The following CERS6 variants were observed in gnomAD, a reference collection of about 807,000 sequenced individuals.
The protein encoded by CERS6 is ceramide synthase 6, also known as LAG1 homolog, ceramide synthase 6.
A neutral mutation model predicts 56.8 loss-of-function variants in CERS6; 26 were observed. The observed-to-expected ratio is 0.46, with a 90% CI of 0.34 to 0.63. CERS6 has a LOEUF of 0.63. Among genes scored for constraint, CERS6 ranks in the 30% least tolerant of loss-of-function variants. The pLI is 0.01. For missense variants in CERS6, 415 were observed against 467.5 expected (o/e 0.89, Z 1.04); for synonymous variants, 164 against 173.3 (o/e 0.95, Z 0.42).
At chr2:168,749,905 T>A (rs1017535925) in intron 8 of CERS6, among the ~76,000 whole-genome samples, 5 of 152,196 alleles carry the variant, frequency 3.3e-5, no homozygotes, top group African/African-American at 7.2e-5. Context: ...AGGCAGAGAG[T>A]AGCAGCTCAG....
chr2:168,637,206 G>T (rs75412032), intron 4 of CERS6, among the ~76,000 whole-genome samples: 8 of 152,162 alleles, frequency 5.3e-5, no homozygotes, highest in African/African-American at 1.9e-4. Context: ...TGCCAGGCAC[G>T]GTGGCTCACG....
intron 3 of CERS6, among the ~76,000 whole-genome samples, chr2:168,607,275 A>G (rs1434144737): frequency 6.6e-6 from 1 of 152,180 alleles, no homozygotes; most frequent in Non-Finnish European, 1.5e-5. Flanking sequence ...ATAGGGAATA[A>G]TGTTGCAACA....
intron 3 of CERS6, among the ~76,000 whole-genome samples, chr2:168,591,593 T>C (rs1683672443): frequency 6.6e-6 from 1 of 152,168 alleles, no homozygotes; most frequent in South Asian, 2.1e-4. Flanking sequence ...ATGAAGAAAA[T>C]GTGTTGTTTT....
At chr2:168,463,241 C>A (rs1380918759) in intron 1 of CERS6, among the ~76,000 whole-genome samples, 1 of 152,120 alleles carries the variant, frequency 6.6e-6, no homozygotes, top group Non-Finnish European at 1.5e-5. Context: ...AAGTAAATAT[C>A]ATTCAATCAT....
intron 4 of CERS6, among the ~76,000 whole-genome samples, chr2:168,664,102 C>G (rs1316150241): frequency 1.3e-5 from 2 of 152,214 alleles, no homozygotes; most frequent in African/African-American, 4.8e-5. Context: ...TGTTACCTCT[C>G]AGAGCCCGTT....
At chr2:168,734,852 G>A (rs1324828639) in intron 8 of CERS6, among the ~76,000 whole-genome samples, 1 of 152,186 alleles carries the variant, frequency 6.6e-6, no homozygotes, top group Non-Finnish European at 1.5e-5. Context: ...GCTACTAAAT[G>A]AATGTGGGAG....
intron 8 of CERS6, among the ~76,000 whole-genome samples, chr2:168,742,311 A>C (rs1021885999): frequency 6.6e-6 from 1 of 152,252 alleles, no homozygotes; most frequent in Non-Finnish European, 1.5e-5. Context: ...AACAGGCCAA[A>C]TACAATTATC....
chr2:168,652,025 GC>G (rs142958718), intron 4 of CERS6, among the ~76,000 whole-genome samples: 9,412 of 150,020 alleles, frequency 0.063, 408 homozygotes, highest in Non-Finnish European at 0.093. Context: ...TTCTCTCACT[GC>G]CCCCCACCCC....
At chr2:168,517,540 A>AT (rs1424350268) in intron 1 of CERS6, among the ~76,000 whole-genome samples, 11 of 151,452 alleles carry the variant, frequency 7.3e-5, no homozygotes, top group Non-Finnish European at 1.3e-4. Flanking sequence ...TAAAATAAAC[A>AT]TTAAAAAAAA....
intron 4 of CERS6, among the ~76,000 whole-genome samples, chr2:168,659,286 G>A (rs1385739410): frequency 6.6e-6 from 1 of 151,944 alleles, no homozygotes; most frequent in Non-Finnish European, 1.5e-5. Context: ...AATGCATGTG[G>A]GAAAATGTTC....
At chr2:168,495,849 G>T (rs1231902974) in intron 1 of CERS6, among the ~76,000 whole-genome samples, 1 of 152,122 alleles carries the variant, frequency 6.6e-6, no homozygotes, top group Non-Finnish European at 1.5e-5. Context: ...TGGTACAGTG[G>T]TTATTTATGT....
intron 8 of CERS6, among the ~76,000 whole-genome samples, chr2:168,743,974 GTTTTCTT>G (rs1684007703): frequency 1.1e-5 from 1 of 88,470 alleles, no homozygotes; most frequent in Non-Finnish European, 2.2e-5. Flanking sequence ...TATTGTTACT[GTTTTCTT>G]TTTTCTTTTT....
At chr2:168,757,006 A>G (rs1684431907) in intron 8 of CERS6, among the ~76,000 whole-genome samples, 1 of 152,244 alleles carries the variant, frequency 6.6e-6, no homozygotes, top group African/African-American at 2.4e-5. Context: ...TTCAATAAGT[A>G]TTAACTAGTA....
chr2:168,504,938 C>G (rs1225196921), intron 1 of CERS6, among the ~76,000 whole-genome samples: 1 of 152,040 alleles, frequency 6.6e-6, no homozygotes, highest in African/African-American at 2.4e-5. Context: ...TAGATTTAGC[C>G]AAGTGTATCA....
rs1194953789 is a variant in CERS6 at position 168,456,373 on chromosome 2, C to T, written c.-76C>T. The T allele has an allele frequency of 8.2e-7, 1 of 1,221,270 alleles. No homozygotes were observed. The highest frequency in any genetic ancestry group is 1.1e-6 in the Non-Finnish European group (1 of 923,086). 75.7% of individuals were successfully genotyped at this position (1,221,270 alleles called of 1,614,324 possible). A position where few individuals can be genotyped will look rare whatever the true frequency, so the allele number is the denominator to read the frequency against. On this transcript the variant is annotated 5_prime_UTR_variant, in exon 1 of 10. Coordinates refer to ENST00000305747, the MANE Select transcript of CERS6 (RefSeq NM_203463.3). The surrounding 1 kb of genome is among the most constrained non-coding windows in gnomAD (Gnocchi z 4.1). Reference sequence around the variant, plus strand: ...GCACAGGCTCGGGGCCAGCCGGGCGCGCATCCCCGGGCGCCCTGCGCGGTG... The same window carrying T: ...GCACAGGCTCGGGGCCAGCCGGGCGTGCATCCCCGGGCGCCCTGCGCGGTG...
At chr2:168,624,054 G>A (rs1011043001) in intron 3 of CERS6, among the ~76,000 whole-genome samples, 2 of 152,144 alleles carry the variant, frequency 1.3e-5, no homozygotes, top group Non-Finnish European at 2.9e-5. Flanking sequence ...TCTGATTTAT[G>A]TGGACAGAAA....
intron 4 of CERS6, among the ~76,000 whole-genome samples, chr2:168,683,801 TC>T (rs1559050958): frequency 3.3e-5 from 5 of 152,154 alleles, no homozygotes; most frequent in African/African-American, 1.2e-4. Flanking sequence ...ATCCCCAGAC[TC>T]TTGAGAATCA....
chr2:168,636,818 G>C (rs1684870501), intron 4 of CERS6, among the ~76,000 whole-genome samples: 1 of 151,984 alleles, frequency 6.6e-6, no homozygotes, highest in African/African-American at 2.4e-5. Flanking sequence ...TTGGCTTGTG[G>C]CTGGCATTCT....
At chr2:168,731,326 G>A (rs1217358425) in intron 8 of CERS6, among the ~76,000 whole-genome samples, 1 of 152,096 alleles carries the variant, frequency 6.6e-6, no homozygotes, top group Non-Finnish European at 1.5e-5. Flanking sequence ...GCACAAGACT[G>A]TGAACCATCA....
Sources: gnomAD v4.1 joint callset for allele counts (sites outside exome capture counted in the v4.1 genomes callset) on GRCh38, gnomAD v4.1.1 for gene constraint, Gnocchi (gnomAD v3.1) non-coding constraint, MANE v1.5 for transcripts, NCBI Gene and HGNC (gene_info 2026-07-23, HGNC 2026-07-21) for gene names.